FECH: variants seen among roughly 807,000 people sequenced by gnomAD.
FECH encodes the protein ferrochelatase.
FECH carries 40 observed loss-of-function variants against 56.9 expected under a neutral mutation model. The observed-to-expected ratio is 0.70, with a 90% confidence interval of 0.55 to 0.92. The LOEUF (loss-of-function observed/expected upper bound fraction) is 0.92. Among genes scored for constraint, FECH ranks in the 40% least tolerant of loss-of-function variants. The probability of loss-of-function intolerance (pLI) is 0.00; values close to 1 mark genes in which losing one functional copy is unlikely to be tolerated. For missense variants in FECH, 431 were observed against 529.1 expected, an observed-to-expected ratio of 0.81 and a Z score of 1.82; for synonymous variants, 175 against 198.6, an observed-to-expected ratio of 0.88 and a Z score of 1.00.
chr18:57,567,967 GGTCACTAGCA>G (rs2051040735), intron 4 of FECH: 1 of 152,186 alleles, frequency 6.6e-6, no homozygotes, highest in African/African-American at 2.4e-5. Context: ...TGCATAAAAT[GGTCACTAGCA>G]GTTAAAACAT....
intron 2 of FECH, among the ~76,000 whole-genome samples, chr18:57,575,794 G>A (rs570554891): frequency 1.2e-5 from 1 of 85,638 alleles, no homozygotes; most frequent in East Asian, 1.9e-4. Flanking sequence ...AAGGCAGCAG[G>A]GTATGTCAAA....
At chr18:57,582,330 A>C (rs1212017284) in intron 1 of FECH, among the ~76,000 whole-genome samples, 2 of 152,040 alleles carry the variant, frequency 1.3e-5, no homozygotes, top group Non-Finnish European at 2.9e-5. Context: ...TTAGATTTTC[A>C]GATTTGGAAT....
chr18:57,557,528 G>A (rs995272466), intron 7 of FECH, among the ~76,000 whole-genome samples: 1 of 152,200 alleles, frequency 6.6e-6, no homozygotes, highest in African/African-American at 2.4e-5. Flanking sequence ...TTTCAGCCAG[G>A]CACGGTGGCT....
At chr18:57,572,666 C>T (rs901379513) in intron 3 of FECH, among the ~76,000 whole-genome samples, 2 of 148,212 alleles carry the variant, frequency 1.3e-5, no homozygotes, top group Non-Finnish European at 3.0e-5. Flanking sequence ...TGGATATGCA[C>T]GGACTATTTC....
chr18:57,580,805 C>T (rs1208855432), intron 1 of FECH, among the ~76,000 whole-genome samples: 2 of 152,158 alleles, frequency 1.3e-5, no homozygotes, highest in Non-Finnish European at 2.9e-5. Flanking sequence ...GAGTCCACAT[C>T]CCACGTGCCA....
At chr18:57,565,147 C>A (rs2050999826) in intron 5 of FECH, among the ~76,000 whole-genome samples, 1 of 152,206 alleles carries the variant, frequency 6.6e-6, no homozygotes, top group African/African-American at 2.4e-5. Context: ...ATGTAAATAA[C>A]AATCTTCTTA....
At chr18:57,556,092 G>A (rs1250185734) in intron 7 of FECH, among the ~76,000 whole-genome samples, 3 of 152,178 alleles carry the variant, frequency 2.0e-5, no homozygotes, top group Non-Finnish European at 4.4e-5. Flanking sequence ...TTGCACCAGT[G>A]CACTCCAGCC....
In FECH at chr18:57,554,538, T is replaced by C. The variant is rs964871564; in HGVS notation, c.913-114A>G. On this transcript the variant is annotated intron_variant, in intron 8 of 10. Coordinates refer to ENST00000262093, the MANE Select transcript of FECH (RefSeq NM_000140.5). Reference sequence around the variant, plus strand: ...CCCACTGCGGGCAAGAGCCACTCTTTACACCTGCTTGAATGGATTTTGATA... The same window carrying C: ...CCCACTGCGGGCAAGAGCCACTCTTCACACCTGCTTGAATGGATTTTGATA... The C allele has an allele frequency of 1.1e-5, 12 of 1,087,176 alleles. No individual in the cohort carries two copies. In the East Asian group the frequency reaches 1.2e-4, roughly 11 times the overall value. 67.3% of individuals were successfully genotyped at this position (1,087,176 alleles called of 1,614,324 possible). A position where few individuals can be genotyped will look rare whatever the true frequency, so the allele number is the denominator to read the frequency against.
intron 3 of FECH, 197 bp downstream of exon 3, chr18:57,573,049 C>A: frequency 1.6e-6 from 1 of 619,600 alleles, no homozygotes; most frequent in Non-Finnish European, 2.8e-6. Flanking sequence ...CAAGGAGAAT[C>A]CCCACTAACT....
At chr18:57,552,320 T>C (rs150714787) in intron 9 of FECH, among the ~76,000 whole-genome samples, 1 of 152,270 alleles carries the variant, frequency 6.6e-6, no homozygotes, top group East Asian at 1.9e-4. Context: ...CTCAGGTAGT[T>C]AGGATTCTTC....
At chr18:57,562,058 G>A (rs906127457) in intron 6 of FECH, among the ~76,000 whole-genome samples, 2 of 152,176 alleles carry the variant, frequency 1.3e-5, no homozygotes, top group African/African-American at 4.8e-5. Context: ...ATGACACCAG[G>A]CTTCTAAAGA....
Position 57,550,598 on chromosome 18 carries a change from TATATA to T in FECH, c.*109_*113del, listed in dbSNP as rs1438566854. ...ACACAATTTGTACCCAAAGGCTGTA[TATATA>T]TCAAGGAAGGATGACTTCCTTCCTT... On this transcript the variant is annotated 3_prime_UTR_variant, in exon 11 of 11. Coordinates refer to ENST00000262093, the MANE Select transcript of FECH (RefSeq NM_000140.5). 3 of 1,348,382 alleles carry T rather than the reference TATATA, an allele frequency of 2.2e-6. No individual in the cohort carries two copies. The African/African-American group carries it at 4.3e-5, about 19-fold the overall frequency. 83.5% of individuals were successfully genotyped at this position (1,348,382 alleles called of 1,614,324 possible).
intron 5 of FECH, among the ~76,000 whole-genome samples, chr18:57,563,190 C>A (rs1043407489): frequency 9.2e-5 from 14 of 152,170 alleles, no homozygotes; most frequent in Non-Finnish European, 7.3e-5. Flanking sequence ...TTTCAATGGA[C>A]TTTCAAAGAT....
In FECH at chr18:57,571,444, G is replaced by A. The variant is rs376624706; in HGVS notation, c.411C>T (p.Ser137=). The A allele has an allele frequency of 8.1e-6, 13 of 1,613,854 alleles. No individual in the cohort carries two copies. The African/African-American group carries it at 1.2e-4, about 15-fold the overall frequency. Residue 137 remains serine (S), a synonymous_variant, in exon 4 of 11, where the codon TCC becomes TCT. Coordinates refer to ENST00000262093, the MANE Select transcript of FECH (RefSeq NM_000140.5). Reference sequence around the variant, plus strand: ...GCTTCACCATGCCCTCTCCCTGCTTGGAAGTCCATATCTTGATGGGGGATC... The same window carrying A: ...GCTTCACCATGCCCTCTCCCTGCTTAGAAGTCCATATCTTGATGGGGGATC... ...GGGSPIKIWT[S]KQGEGMVKLL...
Position 57,563,057 on chromosome 18 carries a change from T to C in FECH, c.599-77A>G, listed in dbSNP as rs1333989032. 5.1e-6 allele frequency: 6 copies of C among 1,186,884 alleles called. No individual in the cohort carries two copies. In the South Asian group the frequency reaches 6.5e-5, roughly 13 times the overall value. The allele number at this position is 1,186,884 out of a possible 1,614,324, so 73.5% of individuals were successfully genotyped here. ...AAAAAACAGACTCGTAAAGGTAGTA[T>C]ATATAAGTTCAAAGCAGGTAACTGC... is the stretch of plus-strand genomic sequence containing the variant. On this transcript the variant is annotated intron_variant, in intron 5 of 10. Transcript: ENST00000262093.
chr18:57,571,643 C>T lies in FECH; in HGVS notation c.315-103G>A, dbSNP rs562351950. On this transcript the variant is annotated intron_variant, in intron 3 of 10. Coordinates refer to ENST00000262093, the MANE Select transcript of FECH (RefSeq NM_000140.5). ...AGAAAAAAAGCAAAATTTTAGAGAG[C>T]CTAACAAGATTAAGCCTTTAAAACA... 3.2e-6 allele frequency: 5 copies of T among 1,553,900 alleles called. No individual in the cohort carries two copies. In the Admixed American group the frequency reaches 8.6e-5, roughly 27 times the overall value.
chr18:57,566,521 T>G lies in FECH; in HGVS notation c.524A>C (p.Glu175Ala). Residue 175 changes from glutamate (E) to alanine (A), a missense_variant, in exon 5 of 11, where the codon GAA becomes GCA. Physicochemically the swap from Glu to Ala is moderately radical, Grantham distance 107 (BLOSUM62 -1). Transcript: ENST00000262093. ...TTCTAGGCCATCTCTCTCCATCTCT[T>G]CAATTGCTTCTTCTGTTAAAGGATG... is the stretch of plus-strand genomic sequence containing the variant. ...YVHPLTEEAIEEMERDGLERA... is the reference protein window; with the variant it reads ...YVHPLTEEAIAEMERDGLERA... The G allele has an allele frequency of 6.2e-7, 1 of 1,614,186 alleles. No individual in the cohort carries two copies. The highest frequency in any genetic ancestry group is 8.5e-7 in the Non-Finnish European group (1 of 1,180,014).
In FECH at chr18:57,550,499, A is replaced by G; in HGVS notation, c.*213T>C. 1.8e-6 allele frequency: 1 copy of G among 555,834 alleles called. No homozygotes were observed. Among genetic ancestry groups the G allele is most frequent in the Non-Finnish European group, 3.2e-6 (1 of 316,780 alleles). 34.4% of individuals were successfully genotyped at this position (555,834 alleles called of 1,614,324 possible). ...CCAAACTAGTAACTTATACCTAGAG[A>G]GAGAAAATACAAATGCTTACTGTAT... On this transcript the variant is annotated 3_prime_UTR_variant, in exon 11 of 11. Coordinates refer to ENST00000262093, the MANE Select transcript of FECH (RefSeq NM_000140.5).
intron 7 of FECH, among the ~76,000 whole-genome samples, chr18:57,555,192 G>C (rs982143030): frequency 1.3e-5 from 2 of 152,198 alleles, no homozygotes; most frequent in African/African-American, 4.8e-5. Context: ...AGAATTCCAT[G>C]TTCCACGTTA....
Sources: allele counts gnomAD v4.1 joint callset (sites outside exome capture counted in the v4.1 genomes callset), GRCh38; gene constraint gnomAD v4.1.1; transcripts MANE v1.5; gene names NCBI Gene and HGNC (gene_info 2026-07-23, HGNC 2026-07-21).